Variants in TBC1D22A observed in about 807,000 individuals in gnomAD.
TBC1D22A encodes the protein TBC1 domain family member 22A.
TBC1D22A carries 38 observed loss-of-function variants against 60.2 expected under a neutral mutation model. The ratio of observed to expected loss-of-function variants is 0.63; its 90% CI spans 0.49 to 0.83. The LOEUF (loss-of-function observed/expected upper bound fraction) is 0.83. Ranked by LOEUF, TBC1D22A falls within the 40% of genes least tolerant of loss-of-function variation. TBC1D22A has a pLI of 0.00. For missense variants in TBC1D22A, 628 were observed against 701.0 expected, an observed-to-expected ratio of 0.90 and a Z score of 1.18; for synonymous variants, 302 against 281.7, an observed-to-expected ratio of 1.07 and a Z score of -0.72.
intron 9 of TBC1D22A, among the ~76,000 whole-genome samples, chr22:46,991,390 T>C (rs2074934167): frequency 6.6e-6 from 1 of 152,170 alleles, no homozygotes; most frequent in East Asian, 1.9e-4. Flanking sequence ...GGATAGCGAA[T>C]GTGATAGATG....
At chr22:47,057,625 A>C (rs2063436482) in intron 11 of TBC1D22A, among the ~76,000 whole-genome samples, 1 of 152,218 alleles carries the variant, frequency 6.6e-6, no homozygotes, top group African/African-American at 2.4e-5. Flanking sequence ...AAGACGAAGG[A>C]GGAGCAAAAG....
At position 46,793,613 on chromosome 22, in the gene TBC1D22A, G is replaced by A; in HGVS notation, c.232G>A (p.Asp78Asn). 1.9e-6 allele frequency: 3 copies of A among 1,613,928 alleles called. No homozygotes were observed. The highest frequency in any genetic ancestry group is 8.5e-7 in the Non-Finnish European group (1 of 1,180,044). ...CGATGCCTGGGACGCTGGGGAGGAC[G>A]ACGATGAGCTCCTGGCCATGGCGGC... ...TSDAWDAGEDDDELLAMAAES... is the reference protein window; with the variant it reads ...TSDAWDAGEDNDELLAMAAES... Residue 78 changes from aspartate (D) to asparagine (N), a missense_variant, in exon 3 of 13, where the codon GAC becomes AAC. By Grantham distance (23) the Asp-to-Asn change is conservative. Coordinates refer to ENST00000337137, the MANE Select transcript of TBC1D22A (RefSeq NM_014346.5).
At chr22:46,893,357 A>T (rs1403102264) in intron 6 of TBC1D22A, among the ~76,000 whole-genome samples, 1 of 152,056 alleles carries the variant, frequency 6.6e-6, no homozygotes, top group South Asian at 2.1e-4. Context: ...GGCGGGATGG[A>T]TGGAGGGGTG....
chr22:47,041,976 C>T (rs893374009), intron 11 of TBC1D22A, among the ~76,000 whole-genome samples: 1 of 152,246 alleles, frequency 6.6e-6, no homozygotes, highest in African/African-American at 2.4e-5. Flanking sequence ...ACAGAGCAGG[C>T]ATCAGGCAAG....
chr22:47,111,612 A>G lies in TBC1D22A; in HGVS notation c.1425+9A>G. On this transcript the variant is annotated intron_variant, in intron 12 of 12. Coordinates refer to ENST00000337137, the MANE Select transcript of TBC1D22A (RefSeq NM_014346.5). ...AAGAAAAAGATTTTCAAGTAAGTAA[A>G]TGTCTTTTCAAAAGAACCCAAGTTT... 2 of 1,609,294 alleles carry G rather than the reference A, an allele frequency of 1.2e-6. No individual in the cohort carries two copies. Among genetic ancestry groups the G allele is most frequent in the Non-Finnish European group, 1.7e-6 (2 of 1,177,236 alleles).
At chr22:47,112,855 C>T (rs574647486) in intron 12 of TBC1D22A, among the ~76,000 whole-genome samples, 3 of 152,376 alleles carry the variant, frequency 2.0e-5, no homozygotes, top group South Asian at 4.1e-4. Flanking sequence ...TGCACCTGGC[C>T]TGCCCCTCCG....
intron 8 of TBC1D22A, among the ~76,000 whole-genome samples, chr22:46,961,121 T>A (rs2073482895): frequency 6.6e-6 from 1 of 152,126 alleles, no homozygotes; most frequent in Admixed American, 6.5e-5. Context: ...ATTTTCTTGG[T>A]AATTAGTGTC....
rs1057306196 is a variant in TBC1D22A at position 46,861,023 on chromosome 22, C to G, written c.638-17630C>G. On this transcript the variant is annotated intron_variant, in intron 4 of 12. Transcript: ENST00000337137. The stretch of plus-strand genomic sequence containing the variant: ...AGGGTCTAAGCTCTGTTGCCCTGGT[C>G]AATCTTGGCTCACTGTCTCTGCCTC... Among the ~76,000 whole-genome samples the G allele has an allele frequency of 2.6e-5, 4 of 152,078 alleles. No individual in the cohort carries two copies. The South Asian group carries it at 6.2e-4, about 24-fold the overall frequency.
intron 11 of TBC1D22A, among the ~76,000 whole-genome samples, chr22:47,086,207 G>A (rs1443335931): frequency 6.6e-6 from 1 of 152,192 alleles, no homozygotes; most frequent in African/African-American, 2.4e-5. Flanking sequence ...GCTCATGCCT[G>A]TAATCCCAGC....
intron 12 of TBC1D22A, among the ~76,000 whole-genome samples, chr22:47,156,267 G>C (rs955686548): frequency 6.6e-6 from 1 of 152,240 alleles, no homozygotes; most frequent in Non-Finnish European, 1.5e-5. Context: ...TGGCTTCCAC[G>C]TGAAGATGTC....
intron 4 of TBC1D22A, among the ~76,000 whole-genome samples, chr22:46,802,820 G>T (rs1429855134): frequency 1.3e-5 from 2 of 151,854 alleles, no homozygotes; most frequent in Non-Finnish European, 2.9e-5. Context: ...GGAGACTAGG[G>T]GGCAAGAGTG....
chr22:47,067,361 A>G (rs779353452), intron 11 of TBC1D22A, among the ~76,000 whole-genome samples: 2 of 152,224 alleles, frequency 1.3e-5, no homozygotes, highest in Non-Finnish European at 2.9e-5. Context: ...TCTTTCAGGC[A>G]TTGTTTATAG....
At chr22:47,029,830 A>C (rs761671545) in intron 10 of TBC1D22A, among the ~76,000 whole-genome samples, 1 of 152,236 alleles carries the variant, frequency 6.6e-6, no homozygotes, top group South Asian at 2.1e-4. Flanking sequence ...GTGAGCGGCC[A>C]CAGTGCTCTG....
chr22:46,837,407 A>G (rs753735840), intron 4 of TBC1D22A, among the ~76,000 whole-genome samples: 1 of 152,230 alleles, frequency 6.6e-6, no homozygotes, highest in Non-Finnish European at 1.5e-5. Context: ...CTAACAAGAT[A>G]TAGACAGACC....
chr22:47,159,144 A>G (rs1260127023), intron 12 of TBC1D22A, among the ~76,000 whole-genome samples: 1 of 151,272 alleles, frequency 6.6e-6, no homozygotes, highest in Non-Finnish European at 1.5e-5. Context: ...TACTGTGTAC[A>G]CACATCACAC....
At position 46,797,566 on chromosome 22, in the gene TBC1D22A, G is replaced by A. The variant is rs1350818408; in HGVS notation, c.583G>A (p.Ala195Thr). Residue 195 changes from alanine (A) to threonine (T), a missense_variant, in exon 4 of 13, where the codon GCC (alanine) becomes ACC (threonine). Physicochemically the swap from Ala to Thr is moderately conservative, Grantham distance 58. Coordinates refer to ENST00000337137, the MANE Select transcript of TBC1D22A (RefSeq NM_014346.5). Reference protein sequence around the residue: ...LSSSALSEREASRLDKFKQLL... With the variant: ...LSSSALSERETSRLDKFKQLL... Reference sequence around the variant, plus strand: ...CAGCTCAGCGCTGAGCGAAAGAGAGGCCTCCCGGCTCGACAAGTTCAAGCA... The same window carrying A: ...CAGCTCAGCGCTGAGCGAAAGAGAGACCTCCCGGCTCGACAAGTTCAAGCA... 1.9e-6 allele frequency: 3 copies of A among 1,613,266 alleles called. No individual in the cohort carries two copies. The highest frequency in any genetic ancestry group is 2.7e-5 in the African/African-American group (2 of 74,914).
At chr22:46,824,390 G>A (rs1354876510) in intron 4 of TBC1D22A, among the ~76,000 whole-genome samples, 1 of 152,190 alleles carries the variant, frequency 6.6e-6, no homozygotes, top group Non-Finnish European at 1.5e-5. Context: ...CTCTAAGGAG[G>A]GGTGTGTGGG....
At chr22:46,933,518 AT>A (rs2071470353) in intron 8 of TBC1D22A, among the ~76,000 whole-genome samples, 1 of 152,156 alleles carries the variant, frequency 6.6e-6, no homozygotes, top group Admixed American at 6.5e-5. Flanking sequence ...GCAGTCTCTG[AT>A]GGGGTGAGAG....
chr22:46,806,731 T>C (rs956548967), intron 4 of TBC1D22A, among the ~76,000 whole-genome samples: 10 of 152,210 alleles, frequency 6.6e-5, no homozygotes, highest in African/African-American at 2.4e-4. Flanking sequence ...CTGGGTATGA[T>C]GGTGAGTTGT....
Sources: gnomAD v4.1 joint callset for allele counts (sites outside exome capture counted in the v4.1 genomes callset) on GRCh38, gnomAD v4.1.1 for gene constraint, MANE v1.5 for transcripts, NCBI Gene and HGNC (gene_info 2026-07-23, HGNC 2026-07-21) for gene names.